FGF12: variants seen among roughly 807,000 people sequenced by gnomAD.
FGF12 encodes the protein fibroblast growth factor 12, also known as fibroblast growth factor 12B.
Under a neutral mutation model 23.6 loss-of-function variants are expected in FGF12, and 14 were observed. The observed-to-expected ratio is 0.59, with a 90% confidence interval of 0.39 to 0.93. The LOEUF is 0.93. Among genes scored for constraint, FGF12 ranks in the 40% least tolerant of loss-of-function variants. The pLI, the probability that FGF12 is intolerant of heterozygous loss-of-function variation, is 0.00. For synonymous variants in FGF12, 62 were observed against 77.3 expected (o/e 0.80, Z 1.04); for missense variants, 175 against 217.8 (o/e 0.80, Z 1.24).
At chr3:192,184,011 C>T (rs1716321184) in intron 4 of FGF12, among the ~76,000 whole-genome samples, 2 of 152,086 alleles carry the variant, frequency 1.3e-5, no homozygotes, top group Admixed American at 6.6e-5. Flanking sequence ...TCACTTAACC[C>T]CAGGAGTCTG....
At chr3:192,497,915 A>G (rs1428181956) in intron 2 of FGF12, among the ~76,000 whole-genome samples, 1 of 152,216 alleles carries the variant, frequency 6.6e-6, no homozygotes, top group Non-Finnish European at 1.5e-5. Context: ...CAAAATCAAC[A>G]TTATTTGGCT....
chr3:192,439,743 A>G lies in FGF12; in HGVS notation c.14-79205T>C, dbSNP rs916762865. Among the ~76,000 whole-genome samples the G allele has an allele frequency of 9.4e-4, 143 of 152,180 alleles. 2 individuals carry two copies. The highest frequency in any genetic ancestry group is 8.5e-3 in the Admixed American group (130 of 15,284). On this transcript the variant is annotated intron_variant, in intron 2 of 5. Coordinates refer to ENST00000445105, the MANE Select transcript of FGF12 (RefSeq NM_004113.6). ...TGTAATCCCAGCACTTTGGGAGGCC[A>G]AGGTGGGTGAATCACAAGGTCAGGA...
intron 4 of FGF12, among the ~76,000 whole-genome samples, chr3:192,213,613 A>C (rs2108681613): frequency 6.6e-6 from 1 of 152,330 alleles, no homozygotes; most frequent in African/African-American, 2.4e-5. Context: ...TCTTAGATCC[A>C]GTCTAGCTCT....
intron 2 of FGF12, among the ~76,000 whole-genome samples, chr3:192,464,785 T>C (rs1722963833): frequency 6.6e-6 from 1 of 151,982 alleles, no homozygotes; most frequent in South Asian, 2.1e-4. Context: ...TGGGGAAGGG[T>C]AGTGCAAGCC....
chr3:192,435,263 G>GT (rs1036188199), intron 2 of FGF12, among the ~76,000 whole-genome samples: 8 of 152,064 alleles, frequency 5.3e-5, no homozygotes, highest in Admixed American at 3.3e-4. Flanking sequence ...TGCAACACTA[G>GT]TTTTTTTTAA....
chr3:192,612,943 C>A (rs1436109452), intron 2 of FGF12, among the ~76,000 whole-genome samples: 1 of 151,634 alleles, frequency 6.6e-6, no homozygotes, highest in Non-Finnish European at 1.5e-5. Context: ...AAGGCAAAAA[C>A]AAATTAATGC....
At chr3:192,725,052 T>C (rs900086319) in intron 2 of FGF12, among the ~76,000 whole-genome samples, 1 of 152,224 alleles carries the variant, frequency 6.6e-6, no homozygotes, top group Non-Finnish European at 1.5e-5. Flanking sequence ...GCATAAAATG[T>C]GAAAGATGCA....
At chr3:192,503,478 T>C (rs1456207489) in intron 2 of FGF12, among the ~76,000 whole-genome samples, 1 of 152,094 alleles carries the variant, frequency 6.6e-6, no homozygotes, top group Non-Finnish European at 1.5e-5. Context: ...GCCAAATTAC[T>C]GCCCAATACC....
chr3:192,539,085 C>T lies in FGF12; in HGVS notation c.14-178547G>A, dbSNP rs139608715. 8.7e-4 allele frequency among the ~76,000 whole-genome samples: 132 copies of T among 152,200 alleles called. 1 individual carries two copies. The East Asian group carries it at 0.02, about 23-fold the overall frequency. ...AAATAACAAAAATATCATCTGCAAA[C>T]GAGGATAATTTGACTTCATCCTTTC... On this transcript the variant is annotated intron_variant, in intron 2 of 5. Transcript: ENST00000445105.
At chr3:192,691,079 A>C (rs1192516183) in intron 2 of FGF12, among the ~76,000 whole-genome samples, 1 of 152,034 alleles carries the variant, frequency 6.6e-6, no homozygotes, top group Non-Finnish European at 1.5e-5. Context: ...ACAGGAATAC[A>C]ATAATAGAAG....
chr3:192,579,645 C>T (rs1000697338), intron 2 of FGF12, among the ~76,000 whole-genome samples: 12 of 152,170 alleles, frequency 7.9e-5, no homozygotes, highest in African/African-American at 1.2e-4. Flanking sequence ...CCACTGCCTC[C>T]GGGGTTCAAT....
chr3:192,427,544 G>C (rs1441162440), intron 2 of FGF12, among the ~76,000 whole-genome samples: 1 of 152,138 alleles, frequency 6.6e-6, no homozygotes, highest in Non-Finnish European at 1.5e-5. Context: ...GCATTATCTG[G>C]ATAGGACAAT....
At chr3:192,241,433 T>C (rs914006787) in intron 4 of FGF12, among the ~76,000 whole-genome samples, 2 of 151,992 alleles carry the variant, frequency 1.3e-5, no homozygotes, top group Non-Finnish European at 2.9e-5. Context: ...ACTACAAAGA[T>C]TATGTAATTA....
At chr3:192,559,380 T>G (rs2108592925) in intron 2 of FGF12, among the ~76,000 whole-genome samples, 1 of 151,938 alleles carries the variant, frequency 6.6e-6, no homozygotes, top group East Asian at 1.9e-4. Flanking sequence ...ACTATGGGAA[T>G]AGTAAAAAGA....
chr3:192,688,547 A>T (rs922468081), intron 2 of FGF12, among the ~76,000 whole-genome samples: 20 of 152,216 alleles, frequency 1.3e-4, no homozygotes, highest in African/African-American at 4.8e-4. Context: ...AGAATTGGAC[A>T]TTGTCTATGG....
chr3:192,659,092 G>A (rs560753395), intron 2 of FGF12, among the ~76,000 whole-genome samples: 1 of 152,260 alleles, frequency 6.6e-6, no homozygotes, highest in African/African-American at 2.4e-5. Flanking sequence ...GCTGATGCTA[G>A]ATTTCCACGG....
intron 4 of FGF12, among the ~76,000 whole-genome samples, chr3:192,247,037 G>A (rs1274949169): frequency 3.7e-4 from 1 of 2,670 alleles, no homozygotes; most frequent in Non-Finnish European, 9.9e-4. Context: ...AGGAAAGAAG[G>A]AAGGAAGGAA....
intron 2 of FGF12, among the ~76,000 whole-genome samples, chr3:192,455,369 A>G (rs1290319920): frequency 1.3e-5 from 2 of 152,224 alleles, no homozygotes; most frequent in Non-Finnish European, 2.9e-5. Flanking sequence ...AGAAACTGAG[A>G]GTACAGAAGC....
At chr3:192,197,008 G>A (rs1717101589) in intron 4 of FGF12, among the ~76,000 whole-genome samples, 2 of 152,182 alleles carry the variant, frequency 1.3e-5, no homozygotes, top group Admixed American at 1.3e-4. Context: ...TAGATAAGAT[G>A]TGCAGTTACC....
Sources: gnomAD v4.1 joint callset for allele counts (sites outside exome capture counted in the v4.1 genomes callset) on GRCh38, gnomAD v4.1.1 for gene constraint, MANE v1.5 for transcripts, NCBI Gene and HGNC (gene_info 2026-07-23, HGNC 2026-07-21) for gene names.